Variants in GALNT7 observed in about 807,000 individuals in gnomAD.
GALNT7 encodes polypeptide N-acetylgalactosaminyltransferase 7.
GALNT7 carries 60 observed loss-of-function variants against 82.1 expected under a neutral mutation model. That is an observed-to-expected ratio of 0.73 (90% confidence interval 0.59 to 0.91). GALNT7 has a LOEUF of 0.91. GALNT7 is among the 40% of genes least tolerant of loss of function. The pLI, the probability that GALNT7 is intolerant of heterozygous loss-of-function variation, is 0.00. For synonymous variants in GALNT7, 243 were observed against 275.1 expected, an observed-to-expected ratio of 0.88 and a Z score of 1.15; for missense variants, 660 against 804.2, an observed-to-expected ratio of 0.82 and a Z score of 2.17.
At chr4:173,264,243 G>A (rs1312883368) in intron 2 of GALNT7, among the ~76,000 whole-genome samples, 1 of 152,108 alleles carries the variant, frequency 6.6e-6, no homozygotes, top group Non-Finnish European at 1.5e-5. Flanking sequence ...ATATATAATG[G>A]AATCAGAAGA....
intron 1 of GALNT7, among the ~76,000 whole-genome samples, chr4:173,202,771 C>T (rs556232056): frequency 6.6e-6 from 1 of 152,264 alleles, no homozygotes; most frequent in East Asian, 1.9e-4. Context: ...GAGATACATA[C>T]TATCATTGTC....
intron 1 of GALNT7, among the ~76,000 whole-genome samples, chr4:173,172,258 A>G (rs1028197495): frequency 2.0e-5 from 3 of 152,176 alleles, no homozygotes; most frequent in African/African-American, 7.2e-5. Context: ...GGCTGTCTGC[A>G]TGCGCAGTGG....
intron 1 of GALNT7, among the ~76,000 whole-genome samples, chr4:173,239,861 A>G (rs934462984): frequency 2.6e-5 from 4 of 152,210 alleles, no homozygotes; most frequent in Non-Finnish European, 5.9e-5. Flanking sequence ...AAGTAAATTT[A>G]GCATAACTTT....
At chr4:173,228,845 C>G (rs913778997) in intron 1 of GALNT7, among the ~76,000 whole-genome samples, 1 of 152,056 alleles carries the variant, frequency 6.6e-6, no homozygotes, top group Non-Finnish European at 1.5e-5. Context: ...TTCCAGGAAC[C>G]CTACCAGTAA....
rs1732663253 is a variant in GALNT7 at position 173,192,757 on chromosome 4, T to C, written c.126+23796T>C. Among the ~76,000 whole-genome samples, 3 of 152,180 alleles carry C rather than the reference T, an allele frequency of 2.0e-5. No individual in the cohort carries two copies. The South Asian group carries it at 6.2e-4, about 32-fold the overall frequency. On this transcript the variant is annotated intron_variant, in intron 1 of 11. Transcript: ENST00000265000. ...ATAAAATTTGAATTCAGCAGGACCT[T>C]GTAAGACACATGCGTTTCATTTTAA...
At chr4:173,306,722 T>C (rs1737167282) in intron 8 of GALNT7, among the ~76,000 whole-genome samples, 1 of 152,240 alleles carries the variant, frequency 6.6e-6, no homozygotes, top group Admixed American at 6.5e-5. Flanking sequence ...ATTGTAAATG[T>C]TATTTCAATT....
chr4:173,231,150 GT>G (rs1268294740), intron 1 of GALNT7, among the ~76,000 whole-genome samples: 1 of 152,096 alleles, frequency 6.6e-6, no homozygotes, highest in African/African-American at 2.4e-5. Context: ...TTTTAAAAAT[GT>G]TTTTCCCTTT....
chr4:173,309,645 G>A (rs768730423), intron 8 of GALNT7, among the ~76,000 whole-genome samples: 1 of 152,148 alleles, frequency 6.6e-6, no homozygotes, highest in Admixed American at 6.5e-5. Flanking sequence ...TTTCTGGAAC[G>A]CTTAACCAAG....
chr4:173,204,775 T>G (rs1486901646), intron 1 of GALNT7, among the ~76,000 whole-genome samples: 4 of 152,360 alleles, frequency 2.6e-5, no homozygotes, highest in Admixed American at 6.5e-5. Flanking sequence ...TATTTTGAAT[T>G]CTGTGTCAGA....
intron 9 of GALNT7, among the ~76,000 whole-genome samples, chr4:173,315,090 A>C (rs770288768): frequency 2.0e-5 from 3 of 152,250 alleles, no homozygotes; most frequent in Non-Finnish European, 4.4e-5. Context: ...GGGCAGGGTA[A>C]GGAAAGCCTC....
chr4:173,286,673 T>A (rs549398535), intron 2 of GALNT7, among the ~76,000 whole-genome samples: 2 of 152,330 alleles, frequency 1.3e-5, no homozygotes, highest in Admixed American at 6.5e-5. Context: ...TTTAGTTGGT[T>A]AAAGGCAGGT....
chr4:173,301,570 A>G (rs1289385586), intron 6 of GALNT7, among the ~76,000 whole-genome samples: 2 of 152,184 alleles, frequency 1.3e-5, no homozygotes, highest in African/African-American at 4.8e-5. Flanking sequence ...ACAATGATTT[A>G]CACTGTTATT....
intron 2 of GALNT7, among the ~76,000 whole-genome samples, chr4:173,273,646 T>C (rs1735804517): frequency 6.6e-6 from 1 of 152,216 alleles, no homozygotes; most frequent in Non-Finnish European, 1.5e-5. Flanking sequence ...CATAGTGTGC[T>C]CATTGTCAGT....
At position 173,291,673 on chromosome 4, in the gene GALNT7, A is replaced by G. The variant is rs1356560443; in HGVS notation, c.588-435A>G. On this transcript the variant is annotated intron_variant, in intron 2 of 11. Transcript: ENST00000265000. The stretch of plus-strand genomic sequence containing the variant: ...ATCTTTCTGAATATTTTAGTAAAAC[A>G]TAGCAATATAGTGTGTTTAGCTTTC... 3.9e-5 allele frequency among the ~76,000 whole-genome samples: 6 copies of G among 152,294 alleles called. No individual in the cohort carries two copies. In the East Asian group the frequency reaches 5.8e-4, roughly 15 times the overall value.
At chr4:173,294,199 C>T (rs370468676) in intron 3 of GALNT7, among the ~76,000 whole-genome samples, 3 of 151,772 alleles carry the variant, frequency 2.0e-5, no homozygotes, top group Non-Finnish European at 4.4e-5. Context: ...TGCAAAAAAT[C>T]CTCCTAATGG....
chr4:173,212,041 G>A lies in GALNT7; in HGVS notation c.127-35939G>A, dbSNP rs1180527633. Among the ~76,000 whole-genome samples the A allele has an allele frequency of 1.3e-5, 2 of 152,210 alleles. 1 individual carries two copies. The highest frequency in any genetic ancestry group is 2.9e-5 in the Non-Finnish European group (2 of 68,036). Reference sequence around the variant, plus strand: ...GGGAGTTCTTCATAGGTGAGTCACAGTGGCTTTCTTCTCTTTCTTTCACAT... The same window carrying A: ...GGGAGTTCTTCATAGGTGAGTCACAATGGCTTTCTTCTCTTTCTTTCACAT... On this transcript the variant is annotated intron_variant, in intron 1 of 11. Transcript: ENST00000265000.
In GALNT7 at chr4:173,241,316, G is replaced by A. The variant is rs564794373; in HGVS notation, c.127-6664G>A. Among the ~76,000 whole-genome samples the A allele has an allele frequency of 1.5e-4, 23 of 152,072 alleles. 1 individual carries two copies. The South Asian group carries it at 4.4e-3, about 29-fold the overall frequency. ...TTTCCTGTTAAGTCAGGCAAATCAC[G>A]AAATTATACTAATGATGTGGGAGAA... On this transcript the variant is annotated intron_variant, in intron 1 of 11. Transcript: ENST00000265000.
rs180957646 is a variant in GALNT7 at position 173,320,571 on chromosome 4, G to A, written c.1837-1009G>A. 2.1e-4 allele frequency among the ~76,000 whole-genome samples: 32 copies of A among 152,200 alleles called. No individual in the cohort carries two copies. Among genetic ancestry groups the A allele is most frequent in the Non-Finnish European group, 3.8e-4 (26 of 68,002 alleles). On this transcript the variant is annotated intron_variant, in intron 11 of 11. Coordinates refer to ENST00000265000, the MANE Select transcript of GALNT7 (RefSeq NM_017423.3). The surrounding 1 kb of genome is among the most constrained non-coding windows in gnomAD (Gnocchi z 4.1). ...ATGTTGTTTTCGTTCAAGTATATGA[G>A]GGAAACCCAGCCCCACACAAGCATA...
At chr4:173,291,136 G>T (rs1265443126) in intron 2 of GALNT7, among the ~76,000 whole-genome samples, 3 of 152,170 alleles carry the variant, frequency 2.0e-5, no homozygotes, top group Admixed American at 6.5e-5. Context: ...GGTGTCCGTT[G>T]TAAATCAAAA....
Sources: allele counts gnomAD v4.1 joint callset (sites outside exome capture counted in the v4.1 genomes callset), GRCh38; gene constraint gnomAD v4.1.1; non-coding constraint Gnocchi (gnomAD v3.1); transcripts MANE v1.5; gene names NCBI Gene and HGNC (gene_info 2026-07-23, HGNC 2026-07-21).